LRRC3B: variants seen among roughly 807,000 people sequenced by gnomAD.
LRRC3B encodes the protein leucine rich repeat containing 3B, also known as leucine-rich repeat-containing protein 3B.
In LRRC3B, 2 loss-of-function variants were observed where a neutral mutation model predicts 12.8. The ratio of observed to expected loss-of-function variants is 0.16; its 90% CI spans 0.06 to 0.49. LRRC3B has a LOEUF of 0.49. Among genes scored for constraint, LRRC3B ranks in the 20% least tolerant of loss-of-function variants. The pLI is 0.96. For synonymous variants in LRRC3B, 132 were observed against 122.0 expected (o/e 1.08, Z -0.54); for missense variants, 189 against 319.4 (o/e 0.59, Z 3.11).
At chr3:26,684,968 T>G (rs1575160023) in intron 1 of LRRC3B, among the ~76,000 whole-genome samples, 1 of 132,718 alleles carries the variant, frequency 7.5e-6, no homozygotes, top group South Asian at 2.5e-4. Flanking sequence ...TTTTATTTTA[T>G]TTTAAATGGA....
At chr3:26,650,125 TAAAGTC>T (rs1455344161) in intron 1 of LRRC3B, among the ~76,000 whole-genome samples, 2 of 152,232 alleles carry the variant, frequency 1.3e-5, no homozygotes, top group East Asian at 1.9e-4. Flanking sequence ...ACAAAAAACT[TAAAGTC>T]TAAGACCATG....
intron 1 of LRRC3B, among the ~76,000 whole-genome samples, chr3:26,626,405 A>G (rs574640119): frequency 1.7e-4 from 26 of 152,330 alleles, no homozygotes; most frequent in Admixed American, 9.1e-4. Context: ...ATTGAGTCAC[A>G]TAATTAGTTA....
chr3:26,679,939 C>A (rs1220098086), intron 1 of LRRC3B, among the ~76,000 whole-genome samples: 1 of 152,160 alleles, frequency 6.6e-6, no homozygotes, highest in Non-Finnish European at 1.5e-5. Flanking sequence ...AATCCCTGAG[C>A]TTCATCTTCT....
intron 1 of LRRC3B, among the ~76,000 whole-genome samples, chr3:26,698,707 C>T (rs747901482): frequency 2.0e-5 from 3 of 152,104 alleles, no homozygotes; most frequent in Non-Finnish European, 4.4e-5. Flanking sequence ...CACTGTTTCT[C>T]ACAATATATA....
chr3:26,673,552 C>A (rs1699796360), intron 1 of LRRC3B, among the ~76,000 whole-genome samples: 1 of 152,182 alleles, frequency 6.6e-6, no homozygotes, highest in Non-Finnish European at 1.5e-5. Flanking sequence ...CTGGTGCTTG[C>A]CTGTTTTATA....
intron 1 of LRRC3B, among the ~76,000 whole-genome samples, chr3:26,647,094 A>C (rs1409070162): frequency 2.0e-5 from 3 of 152,056 alleles, no homozygotes; most frequent in South Asian, 2.1e-4. Flanking sequence ...CCTGTTTCCA[A>C]GCTGCTGAAC....
At chr3:26,667,509 A>C (rs1400022786) in intron 1 of LRRC3B, among the ~76,000 whole-genome samples, 1 of 152,152 alleles carries the variant, frequency 6.6e-6, no homozygotes, top group Non-Finnish European at 1.5e-5. Flanking sequence ...TCAGGGACTT[A>C]GGCTCCTTCC....
chr3:26,641,524 G>T (rs78918579), intron 1 of LRRC3B, among the ~76,000 whole-genome samples: 1,928 of 152,280 alleles, frequency 0.013, 36 homozygotes, highest in African/African-American at 0.044. Flanking sequence ...TGGGAAACAT[G>T]TTCCCACGTA....
intron 1 of LRRC3B, among the ~76,000 whole-genome samples, chr3:26,691,947 C>G (rs760824964): frequency 6.6e-6 from 1 of 152,138 alleles, no homozygotes; most frequent in African/African-American, 2.4e-5. Context: ...TTGTAGTTGT[C>G]TCTTTGATGT....
intron 1 of LRRC3B, among the ~76,000 whole-genome samples, chr3:26,685,615 G>GTATA (rs768001958): frequency 0.017 from 2,014 of 120,354 alleles, 77 homozygotes; most frequent in African/African-American, 0.059. Context: ...ATGTGTGTGT[G>GTATA]TATATATATA....
intron 1 of LRRC3B, among the ~76,000 whole-genome samples, chr3:26,636,167 G>C (rs1193420847): frequency 6.6e-6 from 1 of 152,150 alleles, no homozygotes; most frequent in African/African-American, 2.4e-5. Context: ...CCTATAAAGA[G>C]ATGCTGAGTG....
At chr3:26,627,409 C>T (rs1698652331) in intron 1 of LRRC3B, among the ~76,000 whole-genome samples, 1 of 152,090 alleles carries the variant, frequency 6.6e-6, no homozygotes, top group Non-Finnish European at 1.5e-5. Context: ...ATAGGATTTC[C>T]ATCTCTAATG....
At chr3:26,690,942 G>A (rs959240113) in intron 1 of LRRC3B, among the ~76,000 whole-genome samples, 7 of 151,096 alleles carry the variant, frequency 4.6e-5, no homozygotes, top group Non-Finnish European at 1.0e-4. Context: ...TGACTTCATT[G>A]TTCTACAAAT....
At chr3:26,672,831 G>GAAAC (rs1699775666) in intron 1 of LRRC3B, among the ~76,000 whole-genome samples, 1 of 152,182 alleles carries the variant, frequency 6.6e-6, no homozygotes, top group East Asian at 1.9e-4. Context: ...TCTTAATTCA[G>GAAAC]AAACAACTCC....
At chr3:26,666,300 T>C (rs1203088616) in intron 1 of LRRC3B, among the ~76,000 whole-genome samples, 1 of 152,112 alleles carries the variant, frequency 6.6e-6, no homozygotes, top group Non-Finnish European at 1.5e-5. Context: ...GGAAAATACA[T>C]GGCTGCCTTC....
intron 1 of LRRC3B, among the ~76,000 whole-genome samples, chr3:26,625,854 A>G (rs949997783): frequency 2.0e-5 from 3 of 152,204 alleles, no homozygotes; most frequent in African/African-American, 7.2e-5. Context: ...ACCCTGAAAA[A>G]TGGGTAGAGT....
intron 1 of LRRC3B, among the ~76,000 whole-genome samples, chr3:26,671,355 T>A (rs1325566113): frequency 1.1e-4 from 4 of 37,804 alleles, no homozygotes; most frequent in Non-Finnish European, 1.8e-4. Context: ...TGTGTGTATA[T>A]ATATATATAT....
chr3:26,634,616 G>A (rs1698827450), intron 1 of LRRC3B, among the ~76,000 whole-genome samples: 1 of 152,138 alleles, frequency 6.6e-6, no homozygotes, highest in African/African-American at 2.4e-5. Context: ...ATGGGGGGAG[G>A]ATTCTCTGAA....
At chr3:26,679,292 A>T (rs1699922942) in intron 1 of LRRC3B, among the ~76,000 whole-genome samples, 1 of 152,216 alleles carries the variant, frequency 6.6e-6, no homozygotes, top group Non-Finnish European at 1.5e-5. Context: ...ATTAAATCCC[A>T]GTGGCTTCTC....
Sources: allele counts gnomAD v4.1 joint callset (sites outside exome capture counted in the v4.1 genomes callset), GRCh38; gene constraint gnomAD v4.1.1; transcripts MANE v1.5; gene names NCBI Gene and HGNC (gene_info 2026-07-23, HGNC 2026-07-21).